Variants in PRUNE2 observed in about 807,000 individuals in gnomAD.
The protein encoded by PRUNE2 is prune homolog 2 with BCH domain, also known as protein prune homolog 2.
A neutral mutation model predicts 252.0 loss-of-function variants in PRUNE2; 164 were observed. The observed-to-expected ratio is 0.65, with a 90% CI of 0.57 to 0.74. The LOEUF (loss-of-function observed/expected upper bound fraction) is 0.74. Among genes scored for constraint, PRUNE2 ranks in the 30% least tolerant of loss-of-function variants. The pLI, the probability that PRUNE2 is intolerant of heterozygous loss-of-function variation, is 0.00. For missense variants in PRUNE2, 3,495 were observed against 3,711.0 expected (o/e 0.94, Z 1.51); for synonymous variants, 1,292 against 1,350.2 (o/e 0.96, Z 0.94).
In PRUNE2 at chr9:76,708,031, C is replaced by A. The variant is rs762682686; in HGVS notation, c.4243G>T (p.Val1415Leu). The A allele has an allele frequency of 1.3e-5, 21 of 1,613,854 alleles. No homozygotes were observed. The highest frequency in any genetic ancestry group is 9.9e-5 in the South Asian group (9 of 91,084). The change falls in exon 8 of 19, where the codon GTG (valine) becomes TTG (leucine). Residue 1415 changes from valine to leucine, a missense_variant. By Grantham distance (32) the Val-to-Leu change is conservative. Transcript: ENST00000376718. ...TTATCTGCGGACATCCCTGTTTGCA[C>A]ATCACGGGAGTCTAGATTGTAAGAC... is the stretch of plus-strand genomic sequence containing the variant. ...EGSYNLDSRD[V>L]QTGMSADNLQ... is the part of the protein sequence containing the mutation.
At chr9:76,694,902 A>G (rs963559675) in intron 9 of PRUNE2, among the ~76,000 whole-genome samples, 5 of 152,168 alleles carry the variant, frequency 3.3e-5, no homozygotes, top group Non-Finnish European at 7.3e-5. Flanking sequence ...CTTTTAAATT[A>G]TTATTTAATA....
chr9:76,633,536 C>G (rs180843485), intron 15 of PRUNE2, among the ~76,000 whole-genome samples: 1 of 141,014 alleles, frequency 7.1e-6, no homozygotes, highest in African/African-American at 2.7e-5. Flanking sequence ...GAGCCGAGAT[C>G]GCACCACAGC....
intron 4 of PRUNE2, among the ~76,000 whole-genome samples, chr9:76,841,075 G>A (rs117572759): frequency 2.0e-5 from 3 of 152,270 alleles, no homozygotes; most frequent in East Asian, 3.9e-4. Flanking sequence ...AATGCAGAAG[G>A]GGGGTGATGT....
chr9:76,873,655 A>G (rs186777173), intron 1 of PRUNE2, among the ~76,000 whole-genome samples: 5 of 152,316 alleles, frequency 3.3e-5, no homozygotes, highest in Admixed American at 6.5e-5. Flanking sequence ...TGAAAACTGC[A>G]TATGAGGCGA....
rs565971007 is a variant in PRUNE2, at chr9:76,847,555, G to A, written c.345-877C>T. ...AGACTAGCTGGTAGACTAGTGAGTAGACTAGCCAATAACCTGGCTCCAAAG... is the reference window on the plus strand; with the variant it reads ...AGACTAGCTGGTAGACTAGTGAGTAAACTAGCCAATAACCTGGCTCCAAAG... On this transcript the variant is annotated intron_variant, in intron 3 of 18. Coordinates refer to ENST00000376718, the MANE Select transcript of PRUNE2 (RefSeq NM_015225.3). Among the ~76,000 whole-genome samples the A allele has an allele frequency of 2.0e-5, 3 of 152,178 alleles. No homozygotes were observed. In the South Asian group the frequency reaches 6.2e-4, roughly 32 times the overall value.
At chr9:76,878,654 T>C (rs1271892910) in intron 1 of PRUNE2, among the ~76,000 whole-genome samples, 2 of 152,208 alleles carry the variant, frequency 1.3e-5, no homozygotes, top group Admixed American at 6.5e-5. Flanking sequence ...AAGGTATTCA[T>C]TCTCCTGGGT....
In PRUNE2 at chr9:76,715,487, G is replaced by A. The variant is rs536199731; in HGVS notation, c.757-1766C>T. Among the ~76,000 whole-genome samples, 4 of 152,264 alleles carry A rather than the reference G, an allele frequency of 2.6e-5. No homozygotes were observed. In the East Asian group the frequency reaches 5.8e-4, roughly 22 times the overall value. ...GCCACTTTCCCTTTTTTGGTTGCAA[G>A]GAATTGCACATACGAATCCACAAAG... On this transcript the variant is annotated intron_variant, in intron 6 of 18. Transcript: ENST00000376718.
At chr9:76,718,352 C>T (rs1564143182) in intron 6 of PRUNE2, among the ~76,000 whole-genome samples, 3 of 152,168 alleles carry the variant, frequency 2.0e-5, no homozygotes, top group Non-Finnish European at 4.4e-5. Flanking sequence ...CACATGCTCA[C>T]CTTCTGTTGT....
chr9:76,779,569 T>C (rs1033340276), intron 6 of PRUNE2: 4 of 152,212 alleles, frequency 2.6e-5, no homozygotes, highest in African/African-American at 4.8e-5. Context: ...AAGGACAGCA[T>C]TGTGGCTTGG....
At chr9:76,792,160 C>A (rs1018324066) in intron 6 of PRUNE2, among the ~76,000 whole-genome samples, 2 of 151,536 alleles carry the variant, frequency 1.3e-5, no homozygotes, top group Non-Finnish European at 2.9e-5. Context: ...GTGGGAGGGG[C>A]CTGGTGGGAG....
At chr9:76,785,007 CT>C (rs1222814073) in intron 6 of PRUNE2, 1 of 151,950 alleles carries the variant, frequency 6.6e-6, no homozygotes, top group African/African-American at 2.4e-5. Flanking sequence ...TGACTAAGTC[CT>C]TTATCCCTCC....
intron 1 of PRUNE2, among the ~76,000 whole-genome samples, chr9:76,888,843 G>T (rs983387924): frequency 2.6e-5 from 4 of 151,686 alleles, no homozygotes; most frequent in Non-Finnish European, 4.4e-5. Context: ...AATGTTTTTT[G>T]TTGTTGTTGT....
intron 1 of PRUNE2, among the ~76,000 whole-genome samples, chr9:76,865,718 A>G (rs1217936813): frequency 6.6e-6 from 1 of 152,114 alleles, no homozygotes; most frequent in African/African-American, 2.4e-5. Flanking sequence ...ACAAAAGTCA[A>G]AAGTTATACT....
intron 6 of PRUNE2, among the ~76,000 whole-genome samples, chr9:76,728,638 C>T (rs977348565): frequency 2.0e-5 from 3 of 152,228 alleles, no homozygotes; most frequent in African/African-American, 7.2e-5. Flanking sequence ...TTCATATTTG[C>T]GTATGTGTGT....
intron 18 of PRUNE2, chr9:76,615,296 A>C: frequency 1.1e-6 from 1 of 933,846 alleles, no homozygotes; most frequent in Non-Finnish European, 1.3e-6. Flanking sequence ...GAAGAATTTC[A>C]GTTGCGATAA....
chr9:76,697,294 C>A (rs562873899), intron 9 of PRUNE2, among the ~76,000 whole-genome samples: 1 of 152,340 alleles, frequency 6.6e-6, no homozygotes, highest in Admixed American at 6.5e-5. Context: ...ACCACCTCAT[C>A]TTGGCACTTG....
Position 76,706,279 on chromosome 9 carries a change from C to G in PRUNE2, c.5995G>C (p.Glu1999Gln), listed in dbSNP as rs1403403916. 6.2e-7 allele frequency: 1 copy of G among 1,613,916 alleles called. No individual in the cohort carries two copies. Among genetic ancestry groups the G allele is most frequent in the Admixed American group, 1.7e-5 (1 of 60,016 alleles). ...TCACCTAGGTATGATTTTTCTTGTT[C>G]CCACTGATTTGTTTCTTGACCTTCA... ...TNEGQETNQW[E>Q]QEKSYLGEMT... is the part of the protein sequence containing the mutation. Residue 1999 changes from glutamate (E) to glutamine (Q), a missense_variant, in exon 8 of 19, where the codon GAA becomes CAA. Transcript: ENST00000376718.
intron 4 of PRUNE2, among the ~76,000 whole-genome samples, chr9:76,828,201 A>C (rs575456944): frequency 3.3e-5 from 5 of 152,338 alleles, no homozygotes; most frequent in Admixed American, 6.5e-5. Context: ...CTTGAAGGAT[A>C]ACTAGGGACT....
chr9:76,656,341 T>C (rs1022342489), intron 9 of PRUNE2, among the ~76,000 whole-genome samples: 1 of 152,222 alleles, frequency 6.6e-6, no homozygotes, highest in African/African-American at 2.4e-5. Context: ...ATTTCTTCTC[T>C]GTGAGTTTCA....
Sources: allele counts gnomAD v4.1 joint callset (sites outside exome capture counted in the v4.1 genomes callset), GRCh38; gene constraint gnomAD v4.1.1; transcripts MANE v1.5; gene names NCBI Gene and HGNC (gene_info 2026-07-23, HGNC 2026-07-21).